The following GAS6 variants were observed in gnomAD, a reference collection of about 807,000 sequenced individuals.
GAS6 encodes growth arrest-specific protein 6.
In GAS6, 41 loss-of-function variants were observed where a neutral mutation model predicts 75.8. The observed-to-expected ratio is 0.54, with a 90% CI of 0.42 to 0.70. GAS6 has a LOEUF of 0.70. GAS6 is among the 30% of genes least tolerant of loss of function. The probability of loss-of-function intolerance (pLI) is 0.00; values close to 1 mark genes in which losing one functional copy is unlikely to be tolerated. For missense variants in GAS6, 854 were observed against 940.2 expected, an observed-to-expected ratio of 0.91 and a Z score of 1.20; for synonymous variants, 432 against 412.6, an observed-to-expected ratio of 1.05 and a Z score of -0.57.
intron 6 of GAS6, 95 bp from the exon 7 acceptor site, chr13:113,835,730 G>C: frequency 6.5e-7 from 1 of 1,533,776 alleles, no homozygotes; most frequent in Non-Finnish European, 8.7e-7. Context: ...GCACCACCCA[G>C]AGGTCGCATC....
rs74607416 is a variant in GAS6, at chr13:113,824,312, A to G, written c.1478-762T>C. On this transcript the variant is annotated intron_variant, in intron 12 of 14. Coordinates refer to ENST00000327773, the MANE Select transcript of GAS6 (RefSeq NM_000820.4). ...CGCGCGGTCTGGGGTCTGAGCTGTCAGGAGCACCCGCGGTCTGGGGTCTGA... is the reference window on the plus strand; with the variant it reads ...CGCGCGGTCTGGGGTCTGAGCTGTCGGGAGCACCCGCGGTCTGGGGTCTGA... 2.5e-3 allele frequency among the ~76,000 whole-genome samples: 145 copies of G among 57,816 alleles called. 16 individuals carry two copies. The highest frequency in any genetic ancestry group is 0.013 in the African/African-American group (86 of 6,744). The allele number at this position is 57,816 out of a possible 152,430, so 37.9% of individuals were successfully genotyped here. A position where few individuals can be genotyped will look rare whatever the true frequency, so the allele number is the denominator to read the frequency against.
intron 8 of GAS6, chr13:113,833,561 A>G: frequency 1.0e-6 from 1 of 978,822 alleles, no homozygotes; most frequent in African/African-American, 1.8e-5. Flanking sequence ...TGGGTACTGC[A>G]TTCCTACCGG....
chr13:113,856,792 C>T (rs1347525779), intron 2 of GAS6, among the ~76,000 whole-genome samples: 1 of 152,238 alleles, frequency 6.6e-6, no homozygotes, highest in Non-Finnish European at 1.5e-5. Context: ...GTCCGGGCTG[C>T]CCTCATTTGG....
chr13:113,823,913 T>C (rs920802752), intron 12 of GAS6, among the ~76,000 whole-genome samples: 2 of 152,222 alleles, frequency 1.3e-5, no homozygotes, highest in East Asian at 3.8e-4. Flanking sequence ...TGACAGCTCC[T>C]TCCTCAGAGC....
rs370199266 is a variant in GAS6 at position 113,832,400 on chromosome 13, G to C, written c.1042C>G (p.Leu348Val). 3.1e-6 allele frequency: 5 copies of C among 1,612,102 alleles called. No homozygotes were observed. The highest frequency in any genetic ancestry group is 4.2e-6 in the Non-Finnish European group (5 of 1,179,896). ...TCCAGCCGGCCGGCTCTCAGGGCCA[G>C]CACGATCCAGGTGCTGTCCTGGTGG... ...GGHQDSTWIV[L>V]ALRAGRLELQ... Residue 348 changes from leucine (L) to valine (V), a missense_variant, in exon 10 of 15, where the codon CTG becomes GTG. Leu to Val is a conservative substitution (Grantham distance 32). Coordinates refer to ENST00000327773, the MANE Select transcript of GAS6 (RefSeq NM_000820.4).
chr13:113,821,081 C>A, intron 14 of GAS6, 63 bp from the exon 15 acceptor site: 1 of 1,566,962 alleles, frequency 6.4e-7, no homozygotes, highest in Admixed American at 1.7e-5. Context: ...GCCTGGCCCC[C>A]CCACCCCCGG....
intron 2 of GAS6, among the ~76,000 whole-genome samples, chr13:113,852,782 G>A (rs1402659396): frequency 1.3e-5 from 2 of 152,194 alleles, no homozygotes; most frequent in Admixed American, 6.5e-5. Flanking sequence ...GGTCGGCCTC[G>A]GGGACCAGGC....
intron 2 of GAS6, among the ~76,000 whole-genome samples, chr13:113,851,118 G>A (rs2051870410): frequency 2.0e-5 from 3 of 151,708 alleles, no homozygotes; most frequent in Non-Finnish European, 2.9e-5. Flanking sequence ...TGAATGAGTG[G>A]GTGGATGAGT....
In GAS6 at chr13:113,837,561, G is replaced by A. The variant is rs926584871; in HGVS notation, c.589+508C>T. Among the ~76,000 whole-genome samples, 2 of 152,124 alleles carry A rather than the reference G, an allele frequency of 1.3e-5. No homozygotes were observed. The highest frequency in any genetic ancestry group is 4.8e-5 in the African/African-American group (2 of 41,412). ...CGCACATTCACAGTGACTTTCTGGG[G>A]TGTCCTGGGGCTCCCCAGCTCTGGC... is the stretch of plus-strand genomic sequence containing the variant. On this transcript the variant is annotated intron_variant, in intron 6 of 14. Transcript: ENST00000327773. The surrounding 1 kb of genome is among the most constrained non-coding windows in gnomAD (Gnocchi z 5.1).
intron 2 of GAS6, among the ~76,000 whole-genome samples, chr13:113,853,098 A>G (rs971774808): frequency 1.3e-5 from 2 of 152,172 alleles, no homozygotes; most frequent in Non-Finnish European, 2.9e-5. Context: ...GGGCCCATTC[A>G]CTTTTTAAAA....
chr13:113,823,533 C>A lies in GAS6; in HGVS notation c.1495G>T (p.Val499Phe). The change falls in exon 13 of 15, where the codon GTC becomes TTC. Residue 499 changes from valine (V) to phenylalanine (F), a missense_variant. Physicochemically the swap from Val to Phe is conservative, Grantham distance 50 (BLOSUM62 -1). Transcript: ENST00000327773. ...SLDYMRTPLD[V>F]GTESTWEVEV... ...ACTTCCCAGGTTGATTCAGTCCCGACGTCCAGAGGGGTCCGCACTGCAATG... is the reference window on the plus strand; with the variant it reads ...ACTTCCCAGGTTGATTCAGTCCCGAAGTCCAGAGGGGTCCGCACTGCAATG... 10 of 1,611,938 alleles carry A rather than the reference C, an allele frequency of 6.2e-6. No individual in the cohort carries two copies. Among genetic ancestry groups the A allele is most frequent in the Non-Finnish European group, 8.5e-6 (10 of 1,179,486 alleles).
intron 5 of GAS6, among the ~76,000 whole-genome samples, chr13:113,838,838 C>A (rs1230379595): frequency 6.6e-6 from 1 of 151,710 alleles, no homozygotes; most frequent in Non-Finnish European, 1.5e-5. Flanking sequence ...GTGCACAGCC[C>A]AGCCCCCGAG....
intron 13 of GAS6, 77 bp downstream of exon 13, chr13:113,823,298 C>T (rs1041570900): frequency 1.6e-5 from 24 of 1,454,884 alleles, no homozygotes; most frequent in African/African-American, 1.3e-4. Flanking sequence ...GGGCCCCCTT[C>T]GTCCCCTGCC....
In GAS6 at chr13:113,828,692, G is replaced by A. The variant is rs771931132; in HGVS notation, c.1163C>T (p.Ala388Val). Reference protein sequence around the residue: ...MWQTISVEELARNLVIKVNRD... With the variant: ...MWQTISVEELVRNLVIKVNRD... ...GTTGACCTTGATGACCAGATTCCGCGCCAGCTCCTCAACAGAGATCTGAAG... is the reference window on the plus strand; with the variant it reads ...GTTGACCTTGATGACCAGATTCCGCACCAGCTCCTCAACAGAGATCTGAAG... The change falls in exon 11 of 15, where the codon GCG becomes GTG. Residue 388 changes from alanine (A) to valine (V), a missense_variant. By Grantham distance (64) the Ala-to-Val change is moderately conservative. Transcript: ENST00000327773. The A allele has an allele frequency of 2.2e-5, 36 of 1,613,246 alleles. No individual in the cohort carries two copies. The highest frequency in any genetic ancestry group is 1.1e-4 in the South Asian group (10 of 91,084).
Position 113,863,650 on chromosome 13 carries a change from G to A in GAS6, c.180C>T (p.His60=). Residue 60 remains histidine (H), a synonymous_variant, in exon 2 of 15, where the codon CAC becomes CAT. Transcript: ENST00000327773. This position sits in a 1 kb window ranked among gnomAD's most constrained non-coding sequence, Gnocchi z 9.4. ...GCTCCTCCACGCACTCCCTCTCCAGGTGGCCCTGCTTGGCCTCCTCGAAGA... is the reference window on the plus strand; with the variant it reads ...GCTCCTCCACGCACTCCCTCTCCAGATGGCCCTGCTTGGCCTCCTCGAAGA... The part of the protein sequence containing the change: ...FQVFEEAKQG[H]LERECVEELC... The A allele has an allele frequency of 2.6e-6, 4 of 1,524,962 alleles. No individual in the cohort carries two copies. The highest frequency in any genetic ancestry group is 1.2e-5 in the South Asian group (1 of 82,070). 94.5% of individuals were successfully genotyped at this position (1,524,962 alleles called of 1,614,324 possible).
At position 113,832,739 on chromosome 13, in the gene GAS6, C is replaced by T. The variant is rs1269267878; in HGVS notation, c.848G>A (p.Cys283Tyr). 1 of 1,612,702 alleles carries T rather than the reference C, an allele frequency of 6.2e-7. No individual in the cohort carries two copies. Among genetic ancestry groups the T allele is most frequent in the South Asian group, 1.1e-5 (1 of 91,090 alleles). The change falls in exon 9 of 15, where the codon TGC becomes TAC. Residue 283 changes from cysteine (C) to tyrosine (Y), a missense_variant. Cys to Tyr is a radical substitution (Grantham distance 194, BLOSUM62 -2). Coordinates refer to ENST00000327773, the MANE Select transcript of GAS6 (RefSeq NM_000820.4). ...DMDTCEDILP[C>Y]VPFSVAKSVK... The stretch of plus-strand genomic sequence containing the variant: ...ACTCTTGGCCACGCTGAAGGGCACG[C>T]ACGGCAAGATGTCCTGCCACGGACG...
chr13:113,860,746 C>T (rs981393840), intron 2 of GAS6, among the ~76,000 whole-genome samples: 1 of 151,864 alleles, frequency 6.6e-6, no homozygotes, highest in Non-Finnish European at 1.5e-5. Flanking sequence ...GGAGGAATGT[C>T]GGGGGAGGGG....
At chr13:113,838,312 A>G in intron 5 of GAS6, 121 bp from the exon 6 acceptor site, 2 of 1,213,016 alleles carry the variant, frequency 1.6e-6, no homozygotes, top group Non-Finnish European at 2.4e-6. Flanking sequence ...AGAGGTGCAC[A>G]GCCCAGCCCT....
In GAS6 at chr13:113,823,356, T is replaced by C. The variant is rs1216863053; in HGVS notation, c.1653+19A>G. ...GTGGGTCGAGCCGGTCAGGACGCCC[T>C]GGGTGGCGGAGGCCCTACCTGCTTC... is the stretch of plus-strand genomic sequence containing the variant. On this transcript the variant is annotated intron_variant, in intron 13 of 14. Coordinates refer to ENST00000327773, the MANE Select transcript of GAS6 (RefSeq NM_000820.4). 1 of 1,598,672 alleles carries C rather than the reference T, an allele frequency of 6.3e-7. No individual in the cohort carries two copies. Among genetic ancestry groups the C allele is most frequent in the South Asian group, 1.1e-5 (1 of 89,756 alleles).
Sources: gnomAD v4.1 joint callset for allele counts (sites outside exome capture counted in the v4.1 genomes callset) on GRCh38, gnomAD v4.1.1 for gene constraint, Gnocchi (gnomAD v3.1) non-coding constraint, MANE v1.5 for transcripts, NCBI Gene and HGNC (gene_info 2026-07-23, HGNC 2026-07-21) for gene names.